Variants in KAZN observed in about 807,000 individuals in gnomAD.
KAZN encodes the protein kazrin.
A neutral mutation model predicts 87.4 loss-of-function variants in KAZN; 40 were observed. The ratio of observed to expected loss-of-function variants is 0.46; its 90% CI spans 0.36 to 0.60. KAZN has a LOEUF of 0.60. Ranked by LOEUF, KAZN falls within the 20% of genes least tolerant of loss-of-function variation. KAZN has a pLI of 0.00. For missense variants in KAZN, 898 were observed against 1,073.9 expected, an observed-to-expected ratio of 0.84 and a Z score of 2.29; for synonymous variants, 466 against 458.3, an observed-to-expected ratio of 1.02 and a Z score of -0.22.
intron 1 of KAZN, among the ~76,000 whole-genome samples, chr1:14,936,860 C>A (rs1019737984): frequency 6.6e-6 from 1 of 152,226 alleles, no homozygotes; most frequent in Non-Finnish European, 1.5e-5. Context: ...CTGCTCTGTT[C>A]TCGGTTTTGT....
At chr1:14,136,954 G>A (rs572967084) in intron 1 of KAZN, among the ~76,000 whole-genome samples, 21 of 152,208 alleles carry the variant, frequency 1.4e-4, no homozygotes, top group African/African-American at 5.1e-4. Context: ...GCCACCCAAC[G>A]CCGAGGGAGA....
intron 1 of KAZN, among the ~76,000 whole-genome samples, chr1:14,714,498 G>T (rs78194495): frequency 2.6e-5 from 4 of 152,126 alleles, no homozygotes; most frequent in Non-Finnish European, 4.4e-5. Context: ...TAATTAAGGC[G>T]GAAGTCCACG....
rs1022264393 is a variant in KAZN, at chr1:14,497,481, T to G, written c.250-101502T>G. ...CAAAAGTAAATCAGAGTCATTTCCC[T>G]ACCTTAGAACTTGAGTTTCCATTAC... On this transcript the variant is annotated intron_variant, in intron 2 of 16. Coordinates refer to the KAZN transcript ENST00000636203. Among the ~76,000 whole-genome samples the G allele has an allele frequency of 7.2e-5, 11 of 152,122 alleles. No individual in the cohort carries two copies. The East Asian group carries it at 1.9e-3, about 27-fold the overall frequency.
intron 2 of KAZN, among the ~76,000 whole-genome samples, chr1:14,323,942 A>G (rs556782617): frequency 1.3e-5 from 2 of 152,292 alleles, no homozygotes; most frequent in South Asian, 4.1e-4. Context: ...CCTTTCAAGT[A>G]CTTGGATTCA....
intron 1 of KAZN, among the ~76,000 whole-genome samples, chr1:14,812,867 G>A (rs1010462118): frequency 1.3e-5 from 2 of 152,150 alleles, no homozygotes; most frequent in African/African-American, 4.8e-5. Context: ...CTCTGACCAA[G>A]CGTGGCTGGC....
chr1:14,624,523 C>T (rs12085709), intron 1 of KAZN, among the ~76,000 whole-genome samples: 15,836 of 151,812 alleles, frequency 0.1, 2,753 homozygotes, highest in African/African-American at 0.36. Context: ...CAAGTTCTGT[C>T]ATTATGTGCA....
At chr1:14,778,698 G>GT (rs1414848271) in intron 1 of KAZN, among the ~76,000 whole-genome samples, 4 of 152,038 alleles carry the variant, frequency 2.6e-5, no homozygotes, top group Non-Finnish European at 5.9e-5. Flanking sequence ...CTTTTGCCAC[G>GT]TAACAACCCC....
rs572142586 is a variant in KAZN, at chr1:14,599,988, G to A, written c.226+765G>A. Among the ~76,000 whole-genome samples the A allele has an allele frequency of 6.6e-6, 1 of 152,298 alleles. No individual in the cohort carries two copies. The highest frequency in any genetic ancestry group is 2.1e-4 in the South Asian group (1 of 4,814). ...CAGTTGGTTTGTGTTCACATTGACAGAGATTAAGCTCTGAAACCCCCTGCA... is the reference window on the plus strand; with the variant it reads ...CAGTTGGTTTGTGTTCACATTGACAAAGATTAAGCTCTGAAACCCCCTGCA... On this transcript the variant is annotated intron_variant, in intron 1 of 14. Coordinates refer to ENST00000376030, the MANE Select transcript of KAZN (RefSeq NM_201628.3). This position sits in a 1 kb window ranked among gnomAD's most constrained non-coding sequence, Gnocchi z 4.4.
At chr1:14,442,712 T>G (rs1479443002) in intron 2 of KAZN, among the ~76,000 whole-genome samples, 1 of 152,320 alleles carries the variant, frequency 6.6e-6, no homozygotes, top group East Asian at 1.9e-4. Flanking sequence ...AAATTTCCAT[T>G]TGGGGGCTGA....
intron 1 of KAZN, among the ~76,000 whole-genome samples, chr1:14,153,936 G>A (rs1054907498): frequency 3.3e-5 from 5 of 152,076 alleles, no homozygotes; most frequent in Non-Finnish European, 7.4e-5. Flanking sequence ...GTCAGGTAAT[G>A]TTATTCCTCC....
chr1:14,985,772 G>A (rs1666746959), intron 2 of KAZN, among the ~76,000 whole-genome samples: 1 of 152,058 alleles, frequency 6.6e-6, no homozygotes, highest in Non-Finnish European at 1.5e-5. Context: ...GGGAGGCTGA[G>A]GCAGGCGGAT....
chr1:14,964,694 A>T (rs897935239), intron 2 of KAZN, among the ~76,000 whole-genome samples: 1 of 152,238 alleles, frequency 6.6e-6, no homozygotes, highest in African/African-American at 2.4e-5. Context: ...GCTTGTTAAC[A>T]TCCAGTGTCC....
intron 1 of KAZN, among the ~76,000 whole-genome samples, chr1:14,880,936 G>C (rs1316647958): frequency 6.6e-6 from 1 of 152,212 alleles, no homozygotes; most frequent in Non-Finnish European, 1.5e-5. Context: ...TGAGGGTTGA[G>C]CAGCAGCAAG....
chr1:14,738,237 C>T (rs573405754), intron 1 of KAZN, among the ~76,000 whole-genome samples: 4 of 152,218 alleles, frequency 2.6e-5, no homozygotes, highest in Admixed American at 1.3e-4. Flanking sequence ...GGATGGGAGT[C>T]CCAAAGGCAC....
intron 2 of KAZN, among the ~76,000 whole-genome samples, chr1:15,018,175 T>C (rs1670318187): frequency 6.6e-6 from 1 of 152,212 alleles, no homozygotes; most frequent in Non-Finnish European, 1.5e-5. Flanking sequence ...ATAATTTTAC[T>C]ATGAGATAGT....
chr1:14,237,888 G>A (rs1648572829), intron 2 of KAZN, among the ~76,000 whole-genome samples: 1 of 152,096 alleles, frequency 6.6e-6, no homozygotes, highest in South Asian at 2.1e-4. Context: ...TCTGGCTATG[G>A]GAATCCATTC....
At chr1:15,040,268 C>G (rs1258571357) in intron 3 of KAZN, among the ~76,000 whole-genome samples, 1 of 152,226 alleles carries the variant, frequency 6.6e-6, no homozygotes, top group Non-Finnish European at 1.5e-5. Flanking sequence ...CCCCCTGGAA[C>G]AGGATGACTG....
chr1:14,478,377 T>C (rs1668888693), intron 2 of KAZN, among the ~76,000 whole-genome samples: 1 of 152,032 alleles, frequency 6.6e-6, no homozygotes, highest in Admixed American at 6.5e-5. Context: ...AGAATGAATC[T>C]ATCTAGGTGG....
chr1:14,535,677 TA>T (rs554059965), intron 2 of KAZN, among the ~76,000 whole-genome samples: 2,864 of 141,150 alleles, frequency 0.02, 36 homozygotes, highest in Non-Finnish European at 0.031. Flanking sequence ...AAAAAAAAAA[TA>T]AAAATAAAAA....
Sources: allele counts gnomAD v4.1 joint callset (sites outside exome capture counted in the v4.1 genomes callset), GRCh38; gene constraint gnomAD v4.1.1; non-coding constraint Gnocchi (gnomAD v3.1); transcripts MANE v1.5; gene names NCBI Gene and HGNC (gene_info 2026-07-23, HGNC 2026-07-21).